Variants in ATP8B4 observed in about 807,000 individuals in gnomAD.
ATP8B4 encodes the protein ATPase phospholipid transporting 8B4 (putative).
Under a neutral mutation model 145.6 loss-of-function variants are expected in ATP8B4, and 133 were observed. That is an observed-to-expected ratio of 0.91 (90% CI 0.79 to 1.05). ATP8B4 has a LOEUF of 1.05. ATP8B4 is among the 50% of genes least tolerant of loss of function. The probability of loss-of-function intolerance (pLI) is 0.00; values close to 1 mark genes in which losing one functional copy is unlikely to be tolerated. For synonymous variants in ATP8B4, 507 were observed against 492.9 expected, an observed-to-expected ratio of 1.03 and a Z score of -0.38; for missense variants, 1,458 against 1,425.2, an observed-to-expected ratio of 1.02 and a Z score of -0.37.
chr15:49,914,610 G>A (rs767374500), intron 20 of ATP8B4, among the ~76,000 whole-genome samples: 2 of 151,888 alleles, frequency 1.3e-5, no homozygotes, highest in Admixed American at 1.3e-4. Flanking sequence ...AATATACAAG[G>A]AACTCAATTA....
At chr15:49,938,553 C>T (rs1351035244) in intron 14 of ATP8B4, among the ~76,000 whole-genome samples, 1 of 152,022 alleles carries the variant, frequency 6.6e-6, no homozygotes, top group Non-Finnish European at 1.5e-5. Flanking sequence ...AACCAGAAGA[C>T]TTACCTATCC....
At chr15:49,931,923 G>A (rs1025886333) in intron 15 of ATP8B4, among the ~76,000 whole-genome samples, 3 of 151,770 alleles carry the variant, frequency 2.0e-5, no homozygotes, top group Non-Finnish European at 4.4e-5. Context: ...GATATTATGT[G>A]TAGTTGGAGT....
chr15:50,133,693 GA>G (rs1281221790), intron 1 of ATP8B4, among the ~76,000 whole-genome samples: 1 of 152,146 alleles, frequency 6.6e-6, no homozygotes, highest in African/African-American at 2.4e-5. Flanking sequence ...GAGAAATGGG[GA>G]GATGTTGGTC....
At chr15:50,086,393 A>G (rs188312126) in intron 2 of ATP8B4, among the ~76,000 whole-genome samples, 1 of 28,234 alleles carries the variant, frequency 3.5e-5, no homozygotes. Context: ...ATAGAGATCT[A>G]TATTTATTAT....
intron 22 of ATP8B4, 94 bp downstream of exon 22, chr15:49,897,974 A>T: frequency 7.2e-7 from 1 of 1,382,602 alleles, no homozygotes; most frequent in Non-Finnish European, 9.9e-7. Context: ...GGCAAAATTA[A>T]ATTTTAATGC....
chr15:50,150,608 A>G (rs1759458029), intron 1 of ATP8B4, among the ~76,000 whole-genome samples: 1 of 152,344 alleles, frequency 6.6e-6, no homozygotes, highest in South Asian at 2.1e-4. Flanking sequence ...AGGGAGTTTG[A>G]AGCGAAGCTC....
At chr15:49,863,791 C>G (rs966058800) in intron 26 of ATP8B4, among the ~76,000 whole-genome samples, 1 of 152,146 alleles carries the variant, frequency 6.6e-6, no homozygotes, top group African/African-American at 2.4e-5. Flanking sequence ...AACCACACTC[C>G]TGTTTGCTGC....
intron 6 of ATP8B4, among the ~76,000 whole-genome samples, chr15:50,015,746 T>C (rs1338664368): frequency 6.6e-6 from 1 of 152,184 alleles, no homozygotes; most frequent in Non-Finnish European, 1.5e-5. Flanking sequence ...AATCCCCTAA[T>C]AACAGACTGG....
intron 1 of ATP8B4, among the ~76,000 whole-genome samples, chr15:50,170,563 T>A (rs555149080): frequency 2.2e-4 from 27 of 122,750 alleles, no homozygotes; most frequent in African/African-American, 7.7e-4. Flanking sequence ...TGGAAACACA[T>A]CAAAACAGAA....
chr15:50,077,899 AAC>A (rs2054285988), intron 2 of ATP8B4, among the ~76,000 whole-genome samples: 2 of 152,272 alleles, frequency 1.3e-5, no homozygotes, highest in African/African-American at 2.4e-5. Flanking sequence ...CTGCCTGACT[AAC>A]ACACACAGAA....
At chr15:49,901,385 G>A in intron 20 of ATP8B4, 146 bp from the exon 21 acceptor site, 1 of 853,316 alleles carries the variant, frequency 1.2e-6, no homozygotes, top group South Asian at 2.1e-5. Flanking sequence ...TAAGCAAGCT[G>A]GATAATTCTT....
intron 6 of ATP8B4, among the ~76,000 whole-genome samples, chr15:50,034,735 A>G (rs1451015965): frequency 1.3e-5 from 2 of 152,100 alleles, no homozygotes; most frequent in African/African-American, 4.8e-5. Flanking sequence ...TAACTCCTCC[A>G]AGTGATTCTA....
At chr15:49,971,521 AG>A (rs1187939126) in intron 13 of ATP8B4, among the ~76,000 whole-genome samples, 1 of 152,226 alleles carries the variant, frequency 6.6e-6, no homozygotes, top group Non-Finnish European at 1.5e-5. Context: ...TATGAAAAAA[AG>A]CTCATCATCA....
intron 2 of ATP8B4, among the ~76,000 whole-genome samples, chr15:50,087,372 AT>A (rs1397856922): frequency 1.4e-5 from 2 of 143,144 alleles, no homozygotes; most frequent in Non-Finnish European, 3.0e-5. Flanking sequence ...TAATAAAATA[AT>A]ATATAGATAT....
At chr15:50,005,282 T>C (rs916078592) in intron 7 of ATP8B4, among the ~76,000 whole-genome samples, 2 of 152,172 alleles carry the variant, frequency 1.3e-5, no homozygotes, top group Non-Finnish European at 2.9e-5. Flanking sequence ...AAGAATGCAC[T>C]GAACATATTT....
chr15:50,112,911 C>T (rs1185713891), intron 1 of ATP8B4, among the ~76,000 whole-genome samples: 1 of 152,174 alleles, frequency 6.6e-6, no homozygotes, highest in African/African-American at 2.4e-5. Context: ...CACCATCTCT[C>T]TGAGGACTAA....
chr15:50,072,300 A>G (rs1263739893), intron 3 of ATP8B4, among the ~76,000 whole-genome samples: 1 of 152,124 alleles, frequency 6.6e-6, no homozygotes, highest in African/African-American at 2.4e-5. Flanking sequence ...GGTAAACTCA[A>G]TCATACAACA....
chr15:50,016,519 C>T (rs963463956), intron 6 of ATP8B4, among the ~76,000 whole-genome samples: 3 of 152,160 alleles, frequency 2.0e-5, no homozygotes, highest in Non-Finnish European at 4.4e-5. Context: ...AGGAAAGAAG[C>T]ACTGCTGGAC....
At chr15:50,142,952 A>G (rs2044232144) in intron 1 of ATP8B4, among the ~76,000 whole-genome samples, 1 of 152,180 alleles carries the variant, frequency 6.6e-6, no homozygotes. Flanking sequence ...GGCTCTGACT[A>G]TGTATAATGC....
Sources: allele counts gnomAD v4.1 joint callset (sites outside exome capture counted in the v4.1 genomes callset), GRCh38; gene constraint gnomAD v4.1.1; transcripts MANE v1.5; gene names NCBI Gene and HGNC (gene_info 2026-07-23, HGNC 2026-07-21).